The following TMPRSS2 variants were observed in gnomAD, a reference collection of about 807,000 sequenced individuals.
TMPRSS2 encodes transmembrane protease serine 2.
In TMPRSS2, 59 loss-of-function variants were observed where a neutral mutation model predicts 67.4. The ratio of observed to expected loss-of-function variants is 0.88; its 90% confidence interval spans 0.71 to 1.09. The LOEUF (loss-of-function observed/expected upper bound fraction) is 1.09, where lower values mean the gene tolerates loss of function less well. Among genes scored for constraint, TMPRSS2 ranks in the 50% least tolerant of loss-of-function variants. The pLI is 0.00. For synonymous variants in TMPRSS2, 257 were observed against 257.0 expected (o/e 1.00, Z 0.00); for missense variants, 668 against 642.7 (o/e 1.04, Z -0.43).
rs148049486 is a variant in TMPRSS2, at chr21:41,479,193, A to G, written c.662T>C (p.Ile221Thr). ...KLNTSAGNVD[I>T]YKKLYHSDAC... ...ATACCTGTGGTACAGTTTTTTATAG[A>G]TATCGACATTGCCGGCACTTGTGTT... The change falls in exon 7 of 14, where the codon ATC becomes ACC. Residue 221 changes from isoleucine (I) to threonine (T), a missense_variant. Physicochemically the swap from Ile to Thr is moderately conservative, Grantham distance 89. Coordinates refer to ENST00000332149, the MANE Select transcript of TMPRSS2 (RefSeq NM_005656.4). The G allele has an allele frequency of 3.7e-6, 6 of 1,613,892 alleles. 1 individual carries two copies. Among genetic ancestry groups the G allele is most frequent in the South Asian group, 2.2e-5 (2 of 91,086 alleles).
rs2091472405 is a variant in TMPRSS2, at chr21:41,508,141, CTTAG to C, written c.-121_-118del. ...CCTCCGCCTCCGCCTCCGCCTCCTGCTTAGCTCGCGCCTACTCGGCCCGGCCCGC... is the reference window on the plus strand; with the variant it reads ...CCTCCGCCTCCGCCTCCGCCTCCTGCCTCGCGCCTACTCGGCCCGGCCCGC... On this transcript the variant is annotated 5_prime_UTR_variant, in exon 1 of 14. Coordinates refer to ENST00000332149, the MANE Select transcript of TMPRSS2 (RefSeq NM_005656.4). 1 of 847,208 alleles carries C rather than the reference CTTAG, an allele frequency of 1.2e-6. No individual in the cohort carries two copies. Among genetic ancestry groups the C allele is most frequent in the Admixed American group, 4.4e-5 (1 of 22,976 alleles). 52.5% of individuals were successfully genotyped at this position (847,208 alleles called of 1,614,324 possible).
At chr21:41,482,685 G>C (rs2091265209) in intron 5 of TMPRSS2, among the ~76,000 whole-genome samples, 1 of 152,138 alleles carries the variant, frequency 6.6e-6, no homozygotes, top group Non-Finnish European at 1.5e-5. Flanking sequence ...TCCTATCTGT[G>C]AGTCGGTCAC....
chr21:41,476,370 C>A (rs190516010), intron 8 of TMPRSS2, among the ~76,000 whole-genome samples: 1 of 152,280 alleles, frequency 6.6e-6, no homozygotes, highest in African/African-American at 2.4e-5. Flanking sequence ...GGGGGTGTCC[C>A]TTGGACCCAA....
chr21:41,482,921 CTAAGAAGAT>C (rs2091267135), intron 5 of TMPRSS2, among the ~76,000 whole-genome samples: 1 of 152,126 alleles, frequency 6.6e-6, no homozygotes, highest in Non-Finnish European at 1.5e-5. Flanking sequence ...TTCGGAGGCA[CTAAGAAGAT>C]CAGATAGCTG....
intron 3 of TMPRSS2, among the ~76,000 whole-genome samples, chr21:41,490,766 G>A (rs370823400): frequency 7.9e-5 from 12 of 152,360 alleles, no homozygotes; most frequent in Admixed American, 4.6e-4. Flanking sequence ...AGGAGGGAGG[G>A]CATCCATCCC....
intron 8 of TMPRSS2, among the ~76,000 whole-genome samples, chr21:41,475,539 GAGT>G (rs2091201497): frequency 2.8e-5 from 1 of 35,284 alleles, no homozygotes; most frequent in Non-Finnish European, 5.9e-5. Flanking sequence ...GGTGAAGGGT[GAGT>G]GAGGGGGTGA....
intron 1 of TMPRSS2, chr21:41,506,411 C>T (rs1402245811): frequency 6.6e-6 from 1 of 152,318 alleles, no homozygotes; most frequent in African/African-American, 2.4e-5. Context: ...GTGTCCTTAC[C>T]CGAGGGTGTT....
chr21:41,502,477 G>A, intron 1 of TMPRSS2: 2 of 985,336 alleles, frequency 2.0e-6, no homozygotes, highest in South Asian at 9.4e-5. Flanking sequence ...GACAGCCTCA[G>A]ACTCAGTGCC....
At chr21:41,475,561 G>C (rs548323360) in intron 8 of TMPRSS2, among the ~76,000 whole-genome samples, 5 of 33,866 alleles carry the variant, frequency 1.5e-4, no homozygotes, top group Non-Finnish European at 2.6e-4. Context: ...GAGGAGGTGA[G>C]TGAGGAGGTG....
intron 3 of TMPRSS2, among the ~76,000 whole-genome samples, chr21:41,494,110 C>T (rs1173911517): frequency 6.6e-6 from 1 of 152,186 alleles, no homozygotes; most frequent in Non-Finnish European, 1.5e-5. Context: ...CAAAGCTGTA[C>T]AGGAGAGTTA....
Position 41,489,837 on chromosome 21 carries a change from T to C in TMPRSS2, c.239-244A>G, listed in dbSNP as rs373622147. Among the ~76,000 whole-genome samples the C allele has an allele frequency of 2.0e-4, 30 of 152,200 alleles. 1 individual carries two copies. In the South Asian group the frequency reaches 6.0e-3, roughly 31 times the overall value. On this transcript the variant is annotated intron_variant, in intron 3 of 13. Transcript: ENST00000332149. ...GATCTTCAGCAAAGTACACCGAGGT[T>C]AGGCTCTTTTAAAAAGTATGGTATG...
chr21:41,494,704 T>C, intron 2 of TMPRSS2, 126 bp from the exon 3 acceptor site: 1 of 933,972 alleles, frequency 1.1e-6, no homozygotes, highest in Non-Finnish European at 1.7e-6. Flanking sequence ...TTTTATTTTA[T>C]TTTGTGAAAT....
chr21:41,471,748 C>T, intron 10 of TMPRSS2, 58 bp downstream of exon 10: 1 of 1,512,046 alleles, frequency 6.6e-7, no homozygotes, highest in South Asian at 1.3e-5. Flanking sequence ...GTGTCATTTC[C>T]AATCAACATC....
intron 1 of TMPRSS2, among the ~76,000 whole-genome samples, chr21:41,507,545 A>T (rs2091466786): frequency 6.6e-6 from 1 of 152,108 alleles, no homozygotes; most frequent in Non-Finnish European, 1.5e-5. Context: ...CGTTCCCGGC[A>T]TCTCAGCGAG....
At chr21:41,504,449 C>A (rs555636845) in intron 1 of TMPRSS2, among the ~76,000 whole-genome samples, 55 of 152,204 alleles carry the variant, frequency 3.6e-4, no homozygotes, top group Non-Finnish European at 6.9e-4. Context: ...ACCACCCACA[C>A]CCCTGCCAGA....
At chr21:41,466,433 C>A (rs765532151) in intron 13 of TMPRSS2, among the ~76,000 whole-genome samples, 8 of 152,208 alleles carry the variant, frequency 5.3e-5, no homozygotes, top group Non-Finnish European at 1.2e-4. Context: ...TGCCACGCAG[C>A]CCTTCCCTCC....
intron 1 of TMPRSS2, among the ~76,000 whole-genome samples, chr21:41,503,949 A>G (rs968447531): frequency 6.6e-6 from 1 of 152,212 alleles, no homozygotes; most frequent in African/African-American, 2.4e-5. Flanking sequence ...GCTATACTGC[A>G]GTGGGGTCAG....
In TMPRSS2 at chr21:41,473,386, C is replaced by G; in HGVS notation, c.838G>C (p.Val280Leu). The change falls in exon 9 of 14, where the codon GTG (valine) becomes CTG (leucine). Residue 280 changes from valine (V) to leucine (L), a missense_variant. Physicochemically the swap from Val to Leu is conservative, Grantham distance 32. Transcript: ENST00000332149. ...GGGGTGATGATGGAGCCTCCGCACA[C>G]GTGGACGTTCTGGACGTGCAGGCTG... ...QVSLHVQNVHVCGGSIITPEW... is the reference protein window; with the variant it reads ...QVSLHVQNVHLCGGSIITPEW... The G allele has an allele frequency of 6.2e-7, 1 of 1,610,172 alleles. No homozygotes were observed. The highest frequency in any genetic ancestry group is 2.2e-5 in the East Asian group (1 of 44,818).
At chr21:41,488,209 G>A (rs56136037) in intron 5 of TMPRSS2, among the ~76,000 whole-genome samples, 185 bp downstream of exon 5, 1 of 152,118 alleles carries the variant, frequency 6.6e-6, no homozygotes, top group Admixed American at 6.5e-5. Context: ...CCACCTGCTG[G>A]GTGAGGTTGG....
Sources: gnomAD v4.1 joint callset for allele counts (sites outside exome capture counted in the v4.1 genomes callset) on GRCh38, gnomAD v4.1.1 for gene constraint, MANE v1.5 for transcripts, NCBI Gene and HGNC (gene_info 2026-07-23, HGNC 2026-07-21) for gene names.